IQCE: variants seen among roughly 807,000 people sequenced by gnomAD.
IQCE encodes IQ motif containing E.
In IQCE, 115 loss-of-function variants were observed where a neutral mutation model predicts 96.0. The observed-to-expected ratio is 1.20, with a 90% CI of 1.03 to 1.40. The LOEUF (loss-of-function observed/expected upper bound fraction) is 1.40, where lower values mean the gene tolerates loss of function less well. IQCE is among the 40% of genes most tolerant of loss of function. IQCE has a pLI of 0.00. For synonymous variants in IQCE, 412 were observed against 371.2 expected, an observed-to-expected ratio of 1.11 and a Z score of -1.26; for missense variants, 1,041 against 909.1, an observed-to-expected ratio of 1.15 and a Z score of -1.87.
At position 2,560,999 on chromosome 7, in the gene IQCE, C is replaced by T. The variant is rs976552468; in HGVS notation, c.36+1782C>T. On this transcript the variant is annotated intron_variant, in intron 1 of 21. Transcript: ENST00000402050. ...AAAAGACACAGTCTCGCTTTGCCAC[C>T]CAGGCTGGAGTGCAATGATGCCATC... Among the ~76,000 whole-genome samples, 5 of 152,122 alleles carry T rather than the reference C, an allele frequency of 3.3e-5. No individual in the cohort carries two copies. In the East Asian group the frequency reaches 9.7e-4, roughly 29 times the overall value.
chr7:2,594,503 T>C (rs1293895737), intron 15 of IQCE, among the ~76,000 whole-genome samples: 1 of 152,266 alleles, frequency 6.6e-6, no homozygotes, highest in Non-Finnish European at 1.5e-5. Context: ...CAAGCGATCC[T>C]CTGGCCTTGG....
At chr7:2,565,250 T>C (rs1004390317) in intron 1 of IQCE, among the ~76,000 whole-genome samples, 88 of 146,704 alleles carry the variant, frequency 6.0e-4, no homozygotes, top group Non-Finnish European at 2.8e-4. Flanking sequence ...TGTGTGTGTG[T>C]GCATGCGTGT....
intron 3 of IQCE, among the ~76,000 whole-genome samples, chr7:2,571,051 C>A (rs1375431084): frequency 6.6e-6 from 1 of 151,258 alleles, no homozygotes; most frequent in Non-Finnish European, 1.5e-5. Flanking sequence ...TTAAGAAAAG[C>A]CTGTTACCCA....
chr7:2,571,447 TTCTG>T lies in IQCE; in HGVS notation c.131-75_131-72del. On this transcript the variant is annotated intron_variant, in intron 3 of 21. Transcript: ENST00000402050. ...ACGCTCGTGGATTTTGTTTTCCTAT[TTCTG>T]TCTTTCTGAAGTTCATGTGTTGAGC... 3 of 1,572,174 alleles carry T rather than the reference TTCTG, an allele frequency of 1.9e-6. No individual in the cohort carries two copies. In the South Asian group the frequency reaches 3.4e-5, roughly 18 times the overall value.
At chr7:2,582,677 C>G in intron 9 of IQCE, 27 bp downstream of exon 9, 1 of 1,599,402 alleles carries the variant, frequency 6.3e-7, no homozygotes, top group Non-Finnish European at 8.6e-7. Context: ...ACCCTCTCCC[C>G]TGCCTTCCGC....
At chr7:2,600,536 G>A (rs559929452) in intron 17 of IQCE, among the ~76,000 whole-genome samples, 1 of 152,326 alleles carries the variant, frequency 6.6e-6, no homozygotes, top group South Asian at 2.1e-4. Flanking sequence ...CTTATTAGCG[G>A]GGCCAACTCC....
chr7:2,597,071 A>G (rs1371391640), intron 16 of IQCE: 3 of 471,262 alleles, frequency 6.4e-6, no homozygotes, highest in South Asian at 1.5e-5. Context: ...GTCGGCCAGG[A>G]GGCGGCAGGG....
chr7:2,586,065 A>G (rs1783083106), intron 11 of IQCE, 143 bp from the exon 12 acceptor site: 2 of 687,240 alleles, frequency 2.9e-6, no homozygotes, highest in East Asian at 2.8e-5. Context: ...ATTACTGCCT[A>G]TTCGATTTCA....
At chr7:2,567,190 C>A in intron 2 of IQCE, 27 bp downstream of exon 2, 1 of 1,602,144 alleles carries the variant, frequency 6.2e-7, no homozygotes, top group South Asian at 1.1e-5. Context: ...GTCAGCCGTG[C>A]GACCTCGGGC....
At chr7:2,600,650 C>T (rs1286605635) in intron 17 of IQCE, among the ~76,000 whole-genome samples, 1 of 152,244 alleles carries the variant, frequency 6.6e-6, no homozygotes, top group Admixed American at 6.5e-5. Context: ...GTATATATTT[C>T]TTTGCTTCCA....
rs75693112 is a variant in IQCE at position 2,569,788 on chromosome 7, A to G, written c.130+789A>G. On this transcript the variant is annotated intron_variant, in intron 3 of 21. Coordinates refer to ENST00000402050, the MANE Select transcript of IQCE (RefSeq NM_152558.5). ...AAAGGTTCAGTCAAGTATATGACGC[A>G]CTCAGAGAATATAAACAAACTTTGC... Among the ~76,000 whole-genome samples, 1,026 of 152,332 alleles carry G rather than the reference A, an allele frequency of 6.7e-3. 12 individuals carry two copies. Among genetic ancestry groups the G allele is most frequent in the African/African-American group, 0.024 (978 of 41,562 alleles).
chr7:2,567,417 C>T (rs1781460109), intron 2 of IQCE, among the ~76,000 whole-genome samples: 1 of 152,244 alleles, frequency 6.6e-6, no homozygotes, highest in African/African-American at 2.4e-5. Context: ...AGTCCCTGGC[C>T]TGCAGCTGGT....
At chr7:2,589,774 G>A (rs1783433577) in intron 13 of IQCE, 133 bp from the exon 14 acceptor site, 8 of 771,006 alleles carry the variant, frequency 1.0e-5, no homozygotes, top group South Asian at 1.7e-5. Flanking sequence ...TGGGTAACTC[G>A]GGTCCCCTCA....
Position 2,590,107 on chromosome 7 carries a change from G to A in IQCE, c.1244+1G>A, listed in dbSNP as rs1043902871. The A allele has an allele frequency of 2.5e-6, 4 of 1,609,760 alleles. No homozygotes were observed. The highest frequency in any genetic ancestry group is 1.3e-5 in the African/African-American group (1 of 74,858). On this transcript the variant is annotated splice_donor_variant, in intron 14 of 21. Coordinates refer to ENST00000402050, the MANE Select transcript of IQCE (RefSeq NM_152558.5). LOFTEE classifies it high-confidence loss of function. ...TGCAGGAGCAGCTGCTGCAGAGAGA[G>A]TAGGTCCTCCCAAGGCCCCGCCAGT...
At chr7:2,600,006 C>A (rs532114885) in intron 17 of IQCE, among the ~76,000 whole-genome samples, 1 of 152,118 alleles carries the variant, frequency 6.6e-6, no homozygotes, top group South Asian at 2.1e-4. Context: ...GTTGTCCAGA[C>A]TGGTCTTGAA....
intron 7 of IQCE, 39 bp downstream of exon 7, chr7:2,578,394 GT>G (rs1335355990): frequency 1.2e-5 from 20 of 1,611,290 alleles, no homozygotes; most frequent in Non-Finnish European, 1.5e-5. Flanking sequence ...CAAGGGGAGG[GT>G]CCTCGGGGCA....
rs75188506 is a variant in IQCE, at chr7:2,585,447, T to C, written c.825-761T>C. On this transcript the variant is annotated intron_variant, in intron 11 of 21. Transcript: ENST00000402050. ...TGTGGATTAATTTTCATCAAACTCATGGCTGGCCTGAACGAGGCTTCTTGC... is the reference window on the plus strand; with the variant it reads ...TGTGGATTAATTTTCATCAAACTCACGGCTGGCCTGAACGAGGCTTCTTGC... Among the ~76,000 whole-genome samples the C allele has an allele frequency of 2.6e-5, 4 of 152,392 alleles. No homozygotes were observed. The South Asian group carries it at 8.3e-4, about 32-fold the overall frequency.
At chr7:2,590,745 A>G (rs1490646041) in intron 14 of IQCE, among the ~76,000 whole-genome samples, 1 of 152,216 alleles carries the variant, frequency 6.6e-6, no homozygotes, top group African/African-American at 2.4e-5. Flanking sequence ...AGCCTAGGCA[A>G]CTGAGTGAGA....
chr7:2,570,346 C>G (rs1437618468), intron 3 of IQCE, among the ~76,000 whole-genome samples: 1 of 151,892 alleles, frequency 6.6e-6, no homozygotes, highest in Non-Finnish European at 1.5e-5. Flanking sequence ...CGCCGATAAG[C>G]CCACACACTC....
Sources: allele counts gnomAD v4.1 joint callset (sites outside exome capture counted in the v4.1 genomes callset), GRCh38; gene constraint gnomAD v4.1.1; transcripts MANE v1.5; gene names NCBI Gene and HGNC (gene_info 2026-07-23, HGNC 2026-07-21).